The following PAK5 variants were observed in gnomAD, a reference collection of about 807,000 sequenced individuals.
PAK5 encodes serine/threonine-protein kinase PAK 5.
In PAK5, 16 loss-of-function variants were observed where a neutral mutation model predicts 65.9. That is an observed-to-expected ratio of 0.24 (90% CI 0.16 to 0.37). The LOEUF is 0.37. Among genes scored for constraint, PAK5 ranks in the 10% least tolerant of loss-of-function variants. The pLI is 1.00. For synonymous variants in PAK5, 371 were observed against 354.9 expected (o/e 1.05, Z -0.51); for missense variants, 785 against 903.9 (o/e 0.87, Z 1.69).
At chr20:9,554,350 C>T (rs1236563937) in intron 7 of PAK5, among the ~76,000 whole-genome samples, 1 of 152,186 alleles carries the variant, frequency 6.6e-6, no homozygotes, top group East Asian at 1.9e-4. Flanking sequence ...TCTTGGGACC[C>T]AGTTGCCATG....
At chr20:9,836,228 G>A (rs1194597490) in intron 1 of PAK5, among the ~76,000 whole-genome samples, 1 of 152,184 alleles carries the variant, frequency 6.6e-6, no homozygotes, top group Middle Eastern at 3.2e-3. Context: ...AGTTCATAGG[G>A]ATGTTGGTGT....
At chr20:9,551,140 T>C (rs987752328) in intron 7 of PAK5, among the ~76,000 whole-genome samples, 1 of 152,184 alleles carries the variant, frequency 6.6e-6, no homozygotes, top group Non-Finnish European at 1.5e-5. Context: ...TAAAAGAACA[T>C]AATTGCACAC....
intron 3 of PAK5, among the ~76,000 whole-genome samples, chr20:9,627,872 C>A (rs1184947034): frequency 6.6e-6 from 1 of 152,174 alleles, no homozygotes; most frequent in Admixed American, 6.5e-5. Context: ...AGTGATCCTC[C>A]TGCCTCTGCC....
intron 3 of PAK5, among the ~76,000 whole-genome samples, chr20:9,616,881 T>C (rs910319216): frequency 2.6e-5 from 4 of 152,218 alleles, no homozygotes; most frequent in African/African-American, 9.6e-5. Context: ...AGGAAGAAGT[T>C]AGAAATTGCC....
At chr20:9,761,628 T>G (rs1448911613) in intron 1 of PAK5, among the ~76,000 whole-genome samples, 2 of 152,162 alleles carry the variant, frequency 1.3e-5, no homozygotes, top group Non-Finnish European at 1.5e-5. Context: ...GGCACCATAC[T>G]TCCCAATTTA....
At chr20:9,547,457 G>A (rs1053828064) in intron 7 of PAK5, among the ~76,000 whole-genome samples, 7 of 152,100 alleles carry the variant, frequency 4.6e-5, no homozygotes, top group Non-Finnish European at 7.3e-5. Context: ...AGAAACTAAC[G>A]AGGTAGGAAA....
At chr20:9,609,310 C>T (rs2046514713) in intron 3 of PAK5, among the ~76,000 whole-genome samples, 1 of 152,198 alleles carries the variant, frequency 6.6e-6, no homozygotes, top group African/African-American at 2.4e-5. Context: ...CCTGCAGTTG[C>T]AACCCCGTTT....
intron 6 of PAK5, among the ~76,000 whole-genome samples, chr20:9,560,838 C>T (rs1046095429): frequency 2.0e-5 from 3 of 152,090 alleles, no homozygotes; most frequent in Non-Finnish European, 2.9e-5. Flanking sequence ...AAGGATCTGA[C>T]GTAACAAGAT....
chr20:9,617,549 CTTTTTTTTTTT>C (rs532259417), intron 3 of PAK5, among the ~76,000 whole-genome samples: 22 of 94,616 alleles, frequency 2.3e-4, no homozygotes, highest in Middle Eastern at 0.01. Flanking sequence ...AATCCCAATC[CTTTTTTTTTTT>C]TTTTTTTTTT....
At chr20:9,768,522 C>T (rs2048795764) in intron 1 of PAK5, among the ~76,000 whole-genome samples, 1 of 152,122 alleles carries the variant, frequency 6.6e-6, no homozygotes. Context: ...GTGGCTCACA[C>T]CTGTAATCCC....
At chr20:9,616,412 A>T (rs539023683) in intron 3 of PAK5, among the ~76,000 whole-genome samples, 1 of 152,326 alleles carries the variant, frequency 6.6e-6, no homozygotes, top group Non-Finnish European at 1.5e-5. Context: ...AGACTATTTT[A>T]TGCTGCTGGA....
intron 2 of PAK5, among the ~76,000 whole-genome samples, chr20:9,649,392 T>C (rs551877347): frequency 6.6e-6 from 1 of 152,348 alleles, no homozygotes; most frequent in East Asian, 1.9e-4. Context: ...ACTGCTTTGA[T>C]GGATGGTTTC....
chr20:9,650,138 T>C (rs752553268), intron 2 of PAK5, among the ~76,000 whole-genome samples: 53 of 152,198 alleles, frequency 3.5e-4, no homozygotes, highest in Non-Finnish European at 5.9e-4. Flanking sequence ...CTCCTGTAAT[T>C]GTTTGGATAA....
intron 1 of PAK5, among the ~76,000 whole-genome samples, chr20:9,715,997 T>C (rs2048141506): frequency 6.6e-6 from 1 of 152,152 alleles, no homozygotes; most frequent in African/African-American, 2.4e-5. Context: ...TATGCATATG[T>C]AACAAACCTG....
chr20:9,763,519 T>G (rs2048723334), intron 1 of PAK5, among the ~76,000 whole-genome samples: 1 of 152,016 alleles, frequency 6.6e-6, no homozygotes, highest in Non-Finnish European at 1.5e-5. Flanking sequence ...ACCAATAAGC[T>G]GTTAAATGAA....
Position 9,580,278 on chromosome 20 carries a change from G to C in PAK5, c.857C>G (p.Ser286Cys). The C allele has an allele frequency of 6.2e-7, 1 of 1,614,136 alleles. No individual in the cohort carries two copies. The highest frequency in any genetic ancestry group is 1.1e-5 in the South Asian group (1 of 91,086). ...TSPQPTMRQR[S>C]RSGSGLQEPM... is the part of the protein sequence containing the mutation. ...TTCCTGGAGTCCCGAGCCTGACCTG[G>C]ACCTCTGCCGCATGGTGGGCTGAGG... The change falls in exon 4 of 10, where the codon TCC (serine) becomes TGC (cysteine). Residue 286 changes from serine to cysteine, a missense_variant. Transcript: ENST00000353224.
intron 1 of PAK5, among the ~76,000 whole-genome samples, chr20:9,804,687 G>A (rs368079101): frequency 5.3e-5 from 8 of 152,070 alleles, no homozygotes; most frequent in African/African-American, 9.7e-5. Flanking sequence ...CACCTAAAGC[G>A]CAAGCAACCG....
At chr20:9,748,473 C>T (rs930235048) in intron 1 of PAK5, among the ~76,000 whole-genome samples, 1 of 152,158 alleles carries the variant, frequency 6.6e-6, no homozygotes, top group Non-Finnish European at 1.5e-5. Flanking sequence ...CAGCATGGTA[C>T]TAGTACCAAA....
chr20:9,768,788 C>T (rs1337114758), intron 1 of PAK5, among the ~76,000 whole-genome samples: 2 of 69,960 alleles, frequency 2.9e-5, no homozygotes, highest in Non-Finnish European at 5.1e-5. Flanking sequence ...GAGACTCCAT[C>T]GCAAAAAAAA....
Sources: allele counts gnomAD v4.1 joint callset (sites outside exome capture counted in the v4.1 genomes callset), GRCh38; gene constraint gnomAD v4.1.1; transcripts MANE v1.5; gene names NCBI Gene and HGNC (gene_info 2026-07-23, HGNC 2026-07-21).